Variants in CTNNA2 observed in about 807,000 individuals in gnomAD.
The protein encoded by CTNNA2 is catenin alpha-2.
Under a neutral mutation model 101.0 loss-of-function variants are expected in CTNNA2, and 42 were observed. The observed-to-expected ratio is 0.42, with a 90% CI of 0.32 to 0.54. The LOEUF is 0.54. Ranked by LOEUF, CTNNA2 falls within the 20% of genes least tolerant of loss-of-function variation. The pLI is 0.14. For synonymous variants in CTNNA2, 450 were observed against 456.4 expected (o/e 0.99, Z 0.18); for missense variants, 871 against 1,223.1 (o/e 0.71, Z 4.29).
chr2:79,324,093 C>T (rs1676687049), intron 3 of CTNNA2, among the ~76,000 whole-genome samples: 1 of 152,130 alleles, frequency 6.6e-6, no homozygotes. Flanking sequence ...GAAAATGAAG[C>T]CCTCTTAAAC....
At position 79,694,881 on chromosome 2, in the gene CTNNA2, C is replaced by T. The variant is rs557030938; in HGVS notation, c.102+43223C>T. Among the ~76,000 whole-genome samples the T allele has an allele frequency of 3.9e-5, 6 of 152,004 alleles. No individual in the cohort carries two copies. The South Asian group carries it at 1.2e-3, about 32-fold the overall frequency. On this transcript the variant is annotated intron_variant, in intron 2 of 18. Transcript: ENST00000402739. ...AGAAAAGAACAGATCCTCCTTTGCT[C>T]AGTTGTGAATTCTTCGGTGATTCAT...
At chr2:79,871,534 G>A (rs1242057513) in intron 5 of CTNNA2, among the ~76,000 whole-genome samples, 1 of 152,124 alleles carries the variant, frequency 6.6e-6, no homozygotes, top group Non-Finnish European at 1.5e-5. Flanking sequence ...TGCTCTGGAA[G>A]GGAGAGAGAG....
At chr2:79,887,368 G>C (rs562408875) in intron 6 of CTNNA2, among the ~76,000 whole-genome samples, 1 of 152,220 alleles carries the variant, frequency 6.6e-6, no homozygotes, top group East Asian at 1.9e-4. Context: ...TGTCATGTAA[G>C]CTTTAGCTAA....
intron 3 of CTNNA2, among the ~76,000 whole-genome samples, chr2:79,369,002 C>T (rs530404916): frequency 1.3e-5 from 2 of 152,276 alleles, no homozygotes; most frequent in Admixed American, 1.3e-4. Flanking sequence ...TTAACCTTAG[C>T]TGGGGGAGGT....
intron 4 of CTNNA2, among the ~76,000 whole-genome samples, chr2:79,410,908 T>C (rs538077522): frequency 1.7e-3 from 253 of 152,116 alleles, no homozygotes; most frequent in African/African-American, 5.6e-3. Context: ...TGGTAGAATT[T>C]GGCTGTGAAT....
In CTNNA2 at chr2:79,971,453, C is replaced by T. The variant is rs1049212618; in HGVS notation, c.1056+61656C>T. 7.2e-5 allele frequency among the ~76,000 whole-genome samples: 11 copies of T among 152,076 alleles called. No homozygotes were observed. The East Asian group carries it at 1.2e-3, about 16-fold the overall frequency. ...ACAGTGCCTCGATAAAGAATATGAACGCTAGCTCTTATGTGGTACCTACTT... is the reference window on the plus strand; with the variant it reads ...ACAGTGCCTCGATAAAGAATATGAATGCTAGCTCTTATGTGGTACCTACTT... On this transcript the variant is annotated intron_variant, in intron 7 of 18. Coordinates refer to ENST00000402739, the MANE Select transcript of CTNNA2 (RefSeq NM_001282597.3).
intron 9 of CTNNA2, among the ~76,000 whole-genome samples, chr2:80,498,474 T>C (rs1687635631): frequency 1.3e-5 from 2 of 152,244 alleles, no homozygotes; most frequent in African/African-American, 2.4e-5. Flanking sequence ...TGTTCCTTTA[T>C]TTCCATGCTG....
At chr2:80,207,582 G>T (rs117472343) in intron 7 of CTNNA2, among the ~76,000 whole-genome samples, 1 of 152,152 alleles carries the variant, frequency 6.6e-6, no homozygotes, top group Non-Finnish European at 1.5e-5. Flanking sequence ...GATAGAGTTG[G>T]CATTGCTTGG....
intron 1 of CTNNA2, among the ~76,000 whole-genome samples, chr2:79,594,949 C>T (rs565538670): frequency 4.6e-5 from 7 of 151,790 alleles, no homozygotes; most frequent in African/African-American, 1.4e-4. Flanking sequence ...CTTTTTTTCT[C>T]TTATATAGAT....
intron 2 of CTNNA2, among the ~76,000 whole-genome samples, chr2:79,664,219 A>G (rs987205220): frequency 6.6e-6 from 1 of 152,192 alleles, no homozygotes; most frequent in African/African-American, 2.4e-5. Context: ...AAAATTAATG[A>G]GTCTTTTCAC....
At chr2:80,644,698 A>G (rs1673871566) in intron 18 of CTNNA2, among the ~76,000 whole-genome samples, 1 of 152,172 alleles carries the variant, frequency 6.6e-6, no homozygotes, top group Admixed American at 6.6e-5. Context: ...TTAACTTTAA[A>G]TTGGGCTTAT....
intron 4 of CTNNA2, among the ~76,000 whole-genome samples, chr2:79,452,642 G>A (rs1022402977): frequency 2.0e-5 from 3 of 151,886 alleles, no homozygotes; most frequent in Admixed American, 2.0e-4. Context: ...TCAGCCATTT[G>A]GTGAGTTGCA....
At chr2:79,445,994 G>A (rs1258107049) in intron 4 of CTNNA2, among the ~76,000 whole-genome samples, 1 of 152,120 alleles carries the variant, frequency 6.6e-6, no homozygotes, top group African/African-American at 2.4e-5. Flanking sequence ...CCCGACATAT[G>A]TCATTTAAAA....
intron 9 of CTNNA2, among the ~76,000 whole-genome samples, chr2:80,517,122 G>A (rs1030993738): frequency 6.6e-5 from 10 of 152,306 alleles, no homozygotes; most frequent in Admixed American, 5.2e-4. Context: ...GACCTTCAGC[G>A]AAAGAATTCA....
intron 8 of CTNNA2, among the ~76,000 whole-genome samples, chr2:80,407,551 A>C (rs1397520125): frequency 3.3e-5 from 5 of 152,182 alleles, no homozygotes; most frequent in African/African-American, 1.2e-4. Flanking sequence ...CTGGCTCACA[A>C]AGGACAAAAT....
chr2:79,810,011 T>C (rs896550061), intron 3 of CTNNA2, among the ~76,000 whole-genome samples: 1 of 152,060 alleles, frequency 6.6e-6, no homozygotes, highest in Admixed American at 6.6e-5. Flanking sequence ...AGAAACTGCA[T>C]CAACTAATGG....
At chr2:79,824,084 G>A (rs1302982237) in intron 3 of CTNNA2, among the ~76,000 whole-genome samples, 3 of 152,144 alleles carry the variant, frequency 2.0e-5, no homozygotes, top group African/African-American at 7.2e-5. Flanking sequence ...ATGAAAACAA[G>A]CACAGCCCAG....
At chr2:79,760,780 A>G (rs2105084003) in intron 3 of CTNNA2, among the ~76,000 whole-genome samples, 1 of 152,322 alleles carries the variant, frequency 6.6e-6, no homozygotes, top group Admixed American at 6.5e-5. Flanking sequence ...CTAAATTTCT[A>G]TGACACAATG....
At chr2:79,465,759 T>A in intron 4 of CTNNA2, among the ~76,000 whole-genome samples, 1 of 148,960 alleles carries the variant, frequency 6.7e-6, no homozygotes, top group Non-Finnish European at 1.5e-5. Context: ...GAATGGGAGT[T>A]CACTCATGAT....
Sources: allele counts gnomAD v4.1 joint callset (sites outside exome capture counted in the v4.1 genomes callset), GRCh38; gene constraint gnomAD v4.1.1; transcripts MANE v1.5; gene names NCBI Gene and HGNC (gene_info 2026-07-23, HGNC 2026-07-21).